Variants in MEI1 observed in about 807,000 individuals in gnomAD.
MEI1 encodes the protein meiotic double-stranded break formation protein 1, also known as meiosis inhibitor protein 1.
MEI1 carries 103 observed loss-of-function variants against 146.2 expected under a neutral mutation model. That is an observed-to-expected ratio of 0.70 (90% CI 0.60 to 0.83). The LOEUF (loss-of-function observed/expected upper bound fraction) is 0.83, where lower values mean the gene tolerates loss of function less well. MEI1 is among the 40% of genes least tolerant of loss of function. The pLI is 0.00. For missense variants in MEI1, 1,529 were observed against 1,533.0 expected (o/e 1.00, Z 0.04); for synonymous variants, 652 against 628.2 (o/e 1.04, Z -0.57).
chr22:41,763,640 G>A (rs551263294), intron 19 of MEI1, among the ~76,000 whole-genome samples: 4 of 152,036 alleles, frequency 2.6e-5, no homozygotes, highest in Non-Finnish European at 4.4e-5. Context: ...ACTTGAGTTC[G>A]GGAGTGCAAT....
At chr22:41,775,212 C>T (rs934088400) in intron 20 of MEI1, among the ~76,000 whole-genome samples, 4 of 152,162 alleles carry the variant, frequency 2.6e-5, no homozygotes, top group African/African-American at 4.8e-5. Flanking sequence ...TCCCATCTTC[C>T]GAGCCTAAGA....
At chr22:41,751,020 G>A (rs142961250) in intron 15 of MEI1, among the ~76,000 whole-genome samples, 2 of 152,082 alleles carry the variant, frequency 1.3e-5, no homozygotes, top group African/African-American at 2.4e-5. Flanking sequence ...TGTGAGATCT[G>A]TAGGGAGATC....
At chr22:41,710,531 G>A (rs2069457206) in intron 3 of MEI1, among the ~76,000 whole-genome samples, 1 of 152,200 alleles carries the variant, frequency 6.6e-6, no homozygotes, top group Non-Finnish European at 1.5e-5. Flanking sequence ...TATCCTTTCA[G>A]AGTGGTGTCT....
rs2147874974 is a variant in MEI1, at chr22:41,753,883, G to A, written c.1854-66G>A. ...GCAGTGGTGCCCAGGCATATGGCAG[G>A]GATAATGCTCTCCCAGCCAAAGTAG... On this transcript the variant is annotated intron_variant, in intron 16 of 30. Transcript: ENST00000401548. 4.4e-6 allele frequency: 5 copies of A among 1,127,566 alleles called. No homozygotes were observed. In the South Asian group the frequency reaches 5.0e-5, roughly 11 times the overall value. The allele number at this position is 1,127,566 out of a possible 1,614,324, so 69.8% of individuals were successfully genotyped here.
chr22:41,709,170 C>T (rs1301003921), intron 3 of MEI1: 5 of 750,312 alleles, frequency 6.7e-6, no homozygotes, highest in Non-Finnish European at 1.2e-5. Flanking sequence ...AATAGTATTT[C>T]AAACTGTACA....
At chr22:41,773,067 G>GT (rs1158507475) in intron 20 of MEI1, among the ~76,000 whole-genome samples, 1 of 152,186 alleles carries the variant, frequency 6.6e-6, no homozygotes, top group African/African-American at 2.4e-5. Flanking sequence ...TGAATCTCAG[G>GT]AGACCAAATA....
At chr22:41,775,889 C>G (rs1049195199) in intron 20 of MEI1, among the ~76,000 whole-genome samples, 1 of 152,112 alleles carries the variant, frequency 6.6e-6, no homozygotes, top group Non-Finnish European at 1.5e-5. Context: ...CCACCATGCA[C>G]GGCCTAGGAT....
At chr22:41,716,223 C>A in intron 5 of MEI1, 77 bp downstream of exon 5, 1 of 958,256 alleles carries the variant, frequency 1.0e-6, no homozygotes, top group Non-Finnish European at 1.6e-6. Flanking sequence ...GTCCCATTCA[C>A]TCTGTACACC....
chr22:41,760,092 G>C (rs2074377066), intron 18 of MEI1, among the ~76,000 whole-genome samples: 1 of 151,978 alleles, frequency 6.6e-6, no homozygotes, highest in African/African-American at 2.4e-5. Context: ...GGTGGATTAC[G>C]AGGTCAGGAG....
At chr22:41,762,669 G>A (rs728773) in intron 18 of MEI1, among the ~76,000 whole-genome samples, 5 of 151,454 alleles carry the variant, frequency 3.3e-5, no homozygotes, top group Admixed American at 6.6e-5. Context: ...CTCTAGGCAT[G>A]AGCCATCACA....
intron 3 of MEI1, among the ~76,000 whole-genome samples, chr22:41,713,197 G>T (rs1433377309): frequency 6.6e-6 from 1 of 152,140 alleles, no homozygotes; most frequent in Non-Finnish European, 1.5e-5. Context: ...AGAAGGCCAG[G>T]CATGGTGACT....
chr22:41,741,636 C>G lies in MEI1; in HGVS notation c.1332-1444C>G, dbSNP rs539664163. 5.9e-5 allele frequency among the ~76,000 whole-genome samples: 9 copies of G among 152,354 alleles called. No homozygotes were observed. The East Asian group carries it at 1.7e-3, about 29-fold the overall frequency. On this transcript the variant is annotated intron_variant, in intron 11 of 30. Transcript: ENST00000401548. The stretch of plus-strand genomic sequence containing the variant: ...TCTCATAGAATGGGGAATCACTTCT[C>G]CCTAGAGATGGTCCCCAATACTTCT...
chr22:41,748,724 G>C (rs2073516860), intron 15 of MEI1, among the ~76,000 whole-genome samples: 1 of 152,082 alleles, frequency 6.6e-6, no homozygotes, highest in Non-Finnish European at 1.5e-5. Flanking sequence ...GAATCTCAGA[G>C]AGGTTAAGTA....
In MEI1 at chr22:41,786,157, G is replaced by A. The variant is rs1469165183; in HGVS notation, c.3345+1374G>A. The stretch of plus-strand genomic sequence containing the variant: ...GATCTCCTGACCTCGTGATCCGCCC[G>A]CCTCGGCCTCCCAAAGTGCTGGGAT... On this transcript the variant is annotated intron_variant, in intron 26 of 30. Coordinates refer to ENST00000401548, the MANE Select transcript of MEI1 (RefSeq NM_152513.4). Among the ~76,000 whole-genome samples, 10 of 151,786 alleles carry A rather than the reference G, an allele frequency of 6.6e-5. No individual in the cohort carries two copies. The East Asian group carries it at 7.7e-4, about 12-fold the overall frequency.
At chr22:41,751,772 T>TAA (rs35211694) in intron 15 of MEI1, among the ~76,000 whole-genome samples, 7,586 of 119,310 alleles carry the variant, frequency 0.064, 811 homozygotes, top group African/African-American at 0.23. Flanking sequence ...AACTCCATCT[T>TAA]AAAAAAAAAA....
In MEI1 at chr22:41,733,000, C is replaced by T. The variant is rs573122719; in HGVS notation, c.1331+397C>T. On this transcript the variant is annotated intron_variant, in intron 11 of 30. Transcript: ENST00000401548. The stretch of plus-strand genomic sequence containing the variant: ...TTCACCATGTTGGCCAGGCTGGTCT[C>T]GAACGCCTGACCTCAGGTGATTCAC... Among the ~76,000 whole-genome samples, 34 of 151,930 alleles carry T rather than the reference C, an allele frequency of 2.2e-4. No individual in the cohort carries two copies. In the South Asian group the frequency reaches 5.6e-3, roughly 25 times the overall value.
At chr22:41,727,748 G>C (rs2071492989) in intron 7 of MEI1, among the ~76,000 whole-genome samples, 1 of 152,144 alleles carries the variant, frequency 6.6e-6, no homozygotes, top group Non-Finnish European at 1.5e-5. Flanking sequence ...GCGAAGTCTG[G>C]TGGAACCAAC....
At chr22:41,744,030 C>T (rs776248369) in intron 12 of MEI1, among the ~76,000 whole-genome samples, 10 of 151,972 alleles carry the variant, frequency 6.6e-5, no homozygotes, top group Non-Finnish European at 1.3e-4. Context: ...GCATGCACCA[C>T]CACACCTGGC....
At chr22:41,765,342 A>G (rs1052404041) in intron 19 of MEI1, among the ~76,000 whole-genome samples, 6 of 151,976 alleles carry the variant, frequency 3.9e-5, no homozygotes, top group Admixed American at 6.6e-5. Flanking sequence ...TTGGCCAGGT[A>G]TGGTGGTGCG....
Sources: gnomAD v4.1 joint callset for allele counts (sites outside exome capture counted in the v4.1 genomes callset) on GRCh38, gnomAD v4.1.1 for gene constraint, MANE v1.5 for transcripts, NCBI Gene and HGNC (gene_info 2026-07-23, HGNC 2026-07-21) for gene names.